The following TSPAN18 variants were observed in gnomAD, a reference collection of about 807,000 sequenced individuals.
The protein encoded by TSPAN18 is tetraspanin-18.
Under a neutral mutation model 27.3 loss-of-function variants are expected in TSPAN18, and 14 were observed. That is an observed-to-expected ratio of 0.51 (90% CI 0.34 to 0.80). TSPAN18 has a LOEUF of 0.80. Ranked by LOEUF, TSPAN18 falls within the 30% of genes least tolerant of loss-of-function variation. The pLI, the probability that TSPAN18 is intolerant of heterozygous loss-of-function variation, is 0.01. For missense variants in TSPAN18, 268 were observed against 323.9 expected, an observed-to-expected ratio of 0.83 and a Z score of 1.32; for synonymous variants, 143 against 136.5, an observed-to-expected ratio of 1.05 and a Z score of -0.33.
intron 2 of TSPAN18, among the ~76,000 whole-genome samples, chr11:44,840,871 C>A (rs1439751286): frequency 6.6e-6 from 1 of 152,180 alleles, no homozygotes; most frequent in Admixed American, 6.5e-5. Flanking sequence ...TGCTATATGA[C>A]CATGGGTACA....
chr11:44,729,264 T>C (rs1363103686), intron 1 of TSPAN18, among the ~76,000 whole-genome samples: 1 of 152,094 alleles, frequency 6.6e-6, no homozygotes, highest in Non-Finnish European at 1.5e-5. Context: ...CAAAAGAAGT[T>C]TTTTTTTGTT....
chr11:44,730,233 G>A (rs1278582562), intron 1 of TSPAN18, among the ~76,000 whole-genome samples: 1 of 152,196 alleles, frequency 6.6e-6, no homozygotes, highest in African/African-American at 2.4e-5. Flanking sequence ...GTAGAGAGGG[G>A]AATGTCTGTA....
intron 2 of TSPAN18, among the ~76,000 whole-genome samples, chr11:44,838,859 G>C (rs1359568090): frequency 6.6e-6 from 1 of 152,212 alleles, no homozygotes; most frequent in Non-Finnish European, 1.5e-5. Context: ...TAACTTTGTG[G>C]TCATTCATTG....
intron 2 of TSPAN18, among the ~76,000 whole-genome samples, chr11:44,812,752 T>G (rs894510710): frequency 6.6e-6 from 1 of 152,200 alleles, no homozygotes; most frequent in Admixed American, 6.5e-5. Flanking sequence ...TGCAGGATTC[T>G]TAGCTAAAGC....
At chr11:44,873,023 A>G (rs1038961938) in intron 3 of TSPAN18, among the ~76,000 whole-genome samples, 2 of 152,186 alleles carry the variant, frequency 1.3e-5, no homozygotes, top group Admixed American at 1.3e-4. Flanking sequence ...GAGAGACACC[A>G]GGGAGGGCTT....
chr11:44,731,189 C>T (rs1854646227), intron 1 of TSPAN18, among the ~76,000 whole-genome samples: 1 of 152,190 alleles, frequency 6.6e-6, no homozygotes, highest in South Asian at 2.1e-4. Flanking sequence ...ACTGGTGTTC[C>T]AGCCCTGATA....
chr11:44,873,619 C>T (rs1858251958), intron 3 of TSPAN18, among the ~76,000 whole-genome samples: 3 of 152,222 alleles, frequency 2.0e-5, no homozygotes, highest in South Asian at 2.1e-4. Context: ...AAAGCCCAGT[C>T]CCTCCAAGGC....
chr11:44,820,674 A>G (rs1398373793), intron 2 of TSPAN18, among the ~76,000 whole-genome samples: 1 of 149,644 alleles, frequency 6.7e-6, no homozygotes, highest in Non-Finnish European at 1.5e-5. Context: ...CCCGCCCCCA[A>G]TCTCGTGTTG....
At chr11:44,869,665 C>G (rs1040857708) in intron 3 of TSPAN18, among the ~76,000 whole-genome samples, 1 of 152,198 alleles carries the variant, frequency 6.6e-6, no homozygotes, top group Non-Finnish European at 1.5e-5. Context: ...ACGGCCAGGC[C>G]CCGTCCATGA....
chr11:44,803,913 C>T, intron 2 of TSPAN18, among the ~76,000 whole-genome samples: 1 of 152,286 alleles, frequency 6.6e-6, no homozygotes, highest in East Asian at 1.9e-4. Flanking sequence ...AACATGAAAA[C>T]CCCATTCCAG....
intron 2 of TSPAN18, among the ~76,000 whole-genome samples, chr11:44,789,639 T>C (rs1262844981): frequency 6.6e-6 from 1 of 152,118 alleles, no homozygotes; most frequent in Admixed American, 6.5e-5. Flanking sequence ...AGATTGGTGA[T>C]TCTGAGCTGG....
intron 5 of TSPAN18, among the ~76,000 whole-genome samples, chr11:44,910,819 C>T (rs1401984101): frequency 2.0e-5 from 3 of 152,186 alleles, no homozygotes; most frequent in South Asian, 2.1e-4. Flanking sequence ...CCGAGCCGTG[C>T]GGATGAGCTG....
chr11:44,801,895 G>A (rs571063222), intron 2 of TSPAN18, among the ~76,000 whole-genome samples: 127 of 152,168 alleles, frequency 8.3e-4, no homozygotes, highest in African/African-American at 3.0e-3. Context: ...AGCTGGGTGT[G>A]GTGGTGTCCA....
intron 7 of TSPAN18, 124 bp from the exon 8 acceptor site, chr11:44,919,693 G>A: frequency 1.0e-6 from 1 of 961,246 alleles, no homozygotes; most frequent in South Asian, 1.4e-5. Context: ...AGTGGTGACA[G>A]GTGGAGCCCG....
chr11:44,736,800 TG>T (rs754238004), intron 1 of TSPAN18: 4 of 152,256 alleles, frequency 2.6e-5, no homozygotes, highest in Non-Finnish European at 5.9e-5. Flanking sequence ...GACCTTTGTT[TG>T]ATCTTTGACA....
intron 2 of TSPAN18, among the ~76,000 whole-genome samples, chr11:44,836,977 T>C (rs902911790): frequency 6.6e-6 from 1 of 152,224 alleles, no homozygotes; most frequent in Admixed American, 6.5e-5. Flanking sequence ...CTGATGGAGA[T>C]GTACAGGGAG....
chr11:44,821,005 C>T (rs1387487361), intron 2 of TSPAN18, among the ~76,000 whole-genome samples: 1 of 152,118 alleles, frequency 6.6e-6, no homozygotes, highest in African/African-American at 2.4e-5. Context: ...TTTTTTAAAT[C>T]AATTACCCAG....
At chr11:44,818,451 C>T (rs1252984626) in intron 2 of TSPAN18, among the ~76,000 whole-genome samples, 2 of 152,200 alleles carry the variant, frequency 1.3e-5, no homozygotes, top group Non-Finnish European at 2.9e-5. Flanking sequence ...AGCAGGGGCC[C>T]GATCCTGTGT....
intron 3 of TSPAN18, among the ~76,000 whole-genome samples, chr11:44,890,975 A>C (rs1056815677): frequency 2.0e-5 from 3 of 152,170 alleles, no homozygotes; most frequent in Non-Finnish European, 4.4e-5. Flanking sequence ...GTTCGAGACC[A>C]GTCTGGGTGT....
Sources: allele counts gnomAD v4.1 joint callset (sites outside exome capture counted in the v4.1 genomes callset), GRCh38; gene constraint gnomAD v4.1.1; transcripts MANE v1.5; gene names NCBI Gene and HGNC (gene_info 2026-07-23, HGNC 2026-07-21).